The following CACNA1C variants were observed in gnomAD, a reference collection of about 807,000 sequenced individuals.
CACNA1C encodes the protein voltage-dependent L-type calcium channel subunit alpha-1C.
CACNA1C carries 30 observed loss-of-function variants against 229.0 expected under a neutral mutation model. The observed-to-expected ratio is 0.13, with a 90% CI of 0.10 to 0.18. The LOEUF (loss-of-function observed/expected upper bound fraction) is 0.18. Ranked by LOEUF, CACNA1C falls within the 10% of genes least tolerant of loss-of-function variation. The pLI is 1.00. For missense variants in CACNA1C, 1,658 were observed against 2,845.0 expected (o/e 0.58, Z 9.49); for synonymous variants, 1,114 against 1,132.5 (o/e 0.98, Z 0.33).
At position 2,207,318 on chromosome 12, in the gene CACNA1C, C is replaced by T. The variant is rs529131361; in HGVS notation, c.477+86888C>T. Among the ~76,000 whole-genome samples, 282 of 152,278 alleles carry T rather than the reference C, an allele frequency of 1.9e-3. 1 individual carries two copies. Among genetic ancestry groups the T allele is most frequent in the Non-Finnish European group, 3.5e-3 (236 of 68,028 alleles). On this transcript the variant is annotated intron_variant, in intron 3 of 46. Coordinates refer to ENST00000399655, the MANE Select transcript of CACNA1C (RefSeq NM_000719.7). ...CATGGGGCTGTGTGAAGTCAGCTGA[C>T]GGGCTTCTGCACATTAAGCGGAGAG...
At chr12:2,012,204 G>C (rs2159096) in intron 1 of CACNA1C, among the ~76,000 whole-genome samples, 21,874 of 152,146 alleles carry the variant, frequency 0.14, 1,681 homozygotes, top group Admixed American at 0.19. Context: ...TGGGGACTAG[G>C]GGGTAGAGGG....
At chr12:1,997,160 T>C (rs1228579100) in intron 1 of CACNA1C, among the ~76,000 whole-genome samples, 1 of 152,226 alleles carries the variant, frequency 6.6e-6, no homozygotes, top group African/African-American at 2.4e-5. Context: ...ACATATTCTA[T>C]TGACTAGACA....
intron 3 of CACNA1C, among the ~76,000 whole-genome samples, chr12:2,301,616 G>C (rs138945627): frequency 6.6e-6 from 1 of 152,128 alleles, no homozygotes; most frequent in African/African-American, 2.4e-5. Flanking sequence ...AGCCCTATGT[G>C]GCCTGCAAAC....
At position 2,467,855 on chromosome 12, in the gene CACNA1C, G is replaced by C. The variant is rs1430777183; in HGVS notation, c.757+10149G>C. On this transcript the variant is annotated intron_variant, in intron 5 of 46. Coordinates refer to ENST00000399655, the MANE Select transcript of CACNA1C (RefSeq NM_000719.7). This position sits in a 1 kb window ranked among gnomAD's most constrained non-coding sequence, Gnocchi z 4.6. ...CAGCTCAAGGCCCACTCAGAGTCCCGACCCTGCTGCGACTTCTCTGTTGCC... is the reference window on the plus strand; with the variant it reads ...CAGCTCAAGGCCCACTCAGAGTCCCCACCCTGCTGCGACTTCTCTGTTGCC... Among the ~76,000 whole-genome samples the C allele has an allele frequency of 6.6e-6, 1 of 152,186 alleles. No individual in the cohort carries two copies. The highest frequency in any genetic ancestry group is 1.5e-5 in the Non-Finnish European group (1 of 68,020).
At chr12:2,450,553 CAAAAAAAAAAA>C (rs796416420) in intron 4 of CACNA1C, among the ~76,000 whole-genome samples, 4 of 39,018 alleles carry the variant, frequency 1.0e-4, no homozygotes, top group Admixed American at 4.5e-4. Context: ...GACTCCATCT[CAAAAAAAAAAA>C]AAAAAAAAAA....
At chr12:2,374,521 C>T (rs1328080255) in intron 3 of CACNA1C, among the ~76,000 whole-genome samples, 1 of 152,232 alleles carries the variant, frequency 6.6e-6, no homozygotes, top group African/African-American at 2.4e-5. Flanking sequence ...CATTGGCCTT[C>T]CGTGGGCCAG....
rs181981927 is a variant in CACNA1C at position 2,349,173 on chromosome 12, A to C, written c.478-99803A>C. On this transcript the variant is annotated intron_variant, in intron 3 of 46. Coordinates refer to ENST00000399655, the MANE Select transcript of CACNA1C (RefSeq NM_000719.7). Reference sequence around the variant, plus strand: ...CAAGGTCACGGGAGGGGTCTGCTCTAATAGCATGTTCCCATGGACTGGAAA... The same window carrying C: ...CAAGGTCACGGGAGGGGTCTGCTCTCATAGCATGTTCCCATGGACTGGAAA... Among the ~76,000 whole-genome samples, 17 of 152,312 alleles carry C rather than the reference A, an allele frequency of 1.1e-4. No individual in the cohort carries two copies. In the East Asian group the frequency reaches 2.7e-3, roughly 24 times the overall value.
chr12:2,435,525 T>A (rs988336259), intron 3 of CACNA1C, among the ~76,000 whole-genome samples: 2 of 152,280 alleles, frequency 1.3e-5, no homozygotes, highest in South Asian at 4.1e-4. Flanking sequence ...CTCATTTGAA[T>A]TCACATGGTC....
At chr12:2,360,902 A>C (rs1594102823) in intron 3 of CACNA1C, among the ~76,000 whole-genome samples, 1 of 151,952 alleles carries the variant, frequency 6.6e-6, no homozygotes, top group African/African-American at 2.4e-5. Flanking sequence ...ATACGAATCC[A>C]CTCGTCTCCA....
intron 9 of CACNA1C, among the ~76,000 whole-genome samples, chr12:2,537,472 T>C (rs760966175): frequency 6.6e-6 from 1 of 152,156 alleles, no homozygotes; most frequent in Non-Finnish European, 1.5e-5. Context: ...GTTGTTAATA[T>C]GAAGATAGAA....
chr12:2,165,410 G>T (rs951586321), intron 3 of CACNA1C, among the ~76,000 whole-genome samples: 6 of 152,358 alleles, frequency 3.9e-5, no homozygotes, highest in African/African-American at 1.2e-4. Flanking sequence ...CTGGGTTTAA[G>T]TAACTGAAGC....
intron 3 of CACNA1C, among the ~76,000 whole-genome samples, chr12:2,255,409 C>A (rs750473088): frequency 3.3e-5 from 5 of 152,182 alleles, no homozygotes; most frequent in Non-Finnish European, 7.3e-5. Context: ...AGATCCAGGT[C>A]CATTTACTAA....
intron 15 of CACNA1C, among the ~76,000 whole-genome samples, chr12:2,583,264 G>A (rs1601045492): frequency 1.3e-5 from 2 of 152,248 alleles, no homozygotes; most frequent in Admixed American, 6.5e-5. Flanking sequence ...GCGGGAGCGG[G>A]CCGGCTGCCC....
At chr12:2,123,218 T>C (rs906554109) in intron 3 of CACNA1C, among the ~76,000 whole-genome samples, 4 of 151,664 alleles carry the variant, frequency 2.6e-5, no homozygotes, top group Non-Finnish European at 4.4e-5. Context: ...CTACTAAAAA[T>C]ACAAAAAATT....
chr12:2,432,323 A>G (rs551142913), intron 3 of CACNA1C, among the ~76,000 whole-genome samples: 33 of 152,282 alleles, frequency 2.2e-4, no homozygotes, highest in Admixed American at 2.1e-3. Flanking sequence ...CAAGAAAGGA[A>G]GTGGATGGAG....
In CACNA1C at chr12:2,063,543, T is replaced by G. The variant is rs148125460; in HGVS notation, c.49+9932T>G. Among the ~76,000 whole-genome samples, 7 of 152,320 alleles carry G rather than the reference T, an allele frequency of 4.6e-5. No individual in the cohort carries two copies. The East Asian group carries it at 1.3e-3, about 29-fold the overall frequency. ...TTCAGACCTAGATAGGTCATGACAATTTACATGATAAATGATGACATTGAA... is the reference window on the plus strand; with the variant it reads ...TTCAGACCTAGATAGGTCATGACAAGTTACATGATAAATGATGACATTGAA... On this transcript the variant is annotated intron_variant, in intron 1 of 46. Coordinates refer to ENST00000399655, the MANE Select transcript of CACNA1C (RefSeq NM_000719.7).
In CACNA1C at chr12:2,191,876, G is replaced by A. The variant is rs554166449; in HGVS notation, c.477+71446G>A. ...CACACATGTACTCGCATACACAGGC[G>A]CACACGTACACACAGGCACACACAT... On this transcript the variant is annotated intron_variant, in intron 3 of 46. Transcript: ENST00000399655. Among the ~76,000 whole-genome samples, 42 of 66,954 alleles carry A rather than the reference G, an allele frequency of 6.3e-4. 1 individual carries two copies. Among genetic ancestry groups the A allele is most frequent in the Middle Eastern group, 8.1e-3 (1 of 124 alleles). 43.9% of individuals were successfully genotyped at this position (66,954 alleles called of 152,430 possible).
At chr12:2,405,643 A>G (rs887382627) in intron 3 of CACNA1C, among the ~76,000 whole-genome samples, 28 of 152,274 alleles carry the variant, frequency 1.8e-4, no homozygotes, top group Admixed American at 1.8e-3. Context: ...ATAATTTATC[A>G]GTCTACTGGT....
At chr12:2,221,617 T>C (rs2061486102) in intron 3 of CACNA1C, 1 of 152,258 alleles carries the variant, frequency 6.6e-6, no homozygotes, top group African/African-American at 2.4e-5. Context: ...CCACTCACCT[T>C]GGAGGGTCAT....
Sources: gnomAD v4.1 joint callset for allele counts (sites outside exome capture counted in the v4.1 genomes callset) on GRCh38, gnomAD v4.1.1 for gene constraint, Gnocchi (gnomAD v3.1) non-coding constraint, MANE v1.5 for transcripts, NCBI Gene and HGNC (gene_info 2026-07-23, HGNC 2026-07-21) for gene names.